The following CSRNP2 variants were observed in gnomAD, a reference collection of about 807,000 sequenced individuals.
The protein encoded by CSRNP2 is cysteine/serine-rich nuclear protein 2.
In CSRNP2, 11 loss-of-function variants were observed where a neutral mutation model predicts 36.6. The ratio of observed to expected loss-of-function variants is 0.30; its 90% CI spans 0.19 to 0.50. The LOEUF (loss-of-function observed/expected upper bound fraction) is 0.50. Among genes scored for constraint, CSRNP2 ranks in the 20% least tolerant of loss-of-function variants. CSRNP2 has a pLI of 0.98. For missense variants in CSRNP2, 483 were observed against 691.4 expected, an observed-to-expected ratio of 0.70 and a Z score of 3.38; for synonymous variants, 248 against 275.3, an observed-to-expected ratio of 0.90 and a Z score of 0.98.
At chr12:51,074,789 G>A (rs777980081) in intron 2 of CSRNP2, among the ~76,000 whole-genome samples, 6 of 152,058 alleles carry the variant, frequency 3.9e-5, no homozygotes, top group South Asian at 2.1e-4. Context: ...AGCTCAGGCC[G>A]GGCATGGTGG....
intron 1 of CSRNP2, among the ~76,000 whole-genome samples, chr12:51,080,913 G>C (rs1402338367): frequency 2.6e-5 from 4 of 152,158 alleles, no homozygotes; most frequent in African/African-American, 9.7e-5. Flanking sequence ...ATCCTTCTTT[G>C]GGAGGCTGAG....
At position 51,067,957 on chromosome 12, in the gene CSRNP2, C is replaced by T. The variant is rs1938560641; in HGVS notation, c.424G>A (p.Gly142Arg). 1 of 1,613,320 alleles carries T rather than the reference C, an allele frequency of 6.2e-7. No homozygotes were observed. The highest frequency in any genetic ancestry group is 1.1e-5 in the South Asian group (1 of 91,064). ...TCAGCCTCCACCGACTCCACTGTCC[C>T]ATTCTTGGTCAGCTGCCAAGAGACA... ...HAKKMKLTKN[G>R]TVESVEADGL... Residue 142 changes from glycine (G) to arginine (R), a missense_variant, in exon 4 of 5, where the codon GGG becomes AGG. Physicochemically the swap from Gly to Arg is moderately radical, Grantham distance 125. Around this residue, in one of 2 missense-constraint regions of CSRNP2, gnomAD observed 206 missense variants for 367.8 expected, o/e 0.56. Transcript: ENST00000228515. The surrounding 1 kb of genome is among the most constrained non-coding windows in gnomAD (Gnocchi z 4.1).
At chr12:51,077,044 CA>C (rs34490094) in intron 1 of CSRNP2, among the ~76,000 whole-genome samples, 18 of 126,698 alleles carry the variant, frequency 1.4e-4, no homozygotes, top group Admixed American at 2.5e-4. Flanking sequence ...GTTTGGTTGG[CA>C]AAAAAAAAAA....
At chr12:51,071,033 G>A (rs1480687996) in intron 3 of CSRNP2, among the ~76,000 whole-genome samples, 5 of 152,140 alleles carry the variant, frequency 3.3e-5, no homozygotes, top group South Asian at 4.2e-4. Context: ...AGGCCGAGGC[G>A]GGTGGATCAC....
At chr12:51,069,057 G>C (rs1412185348) in intron 3 of CSRNP2, among the ~76,000 whole-genome samples, 1 of 152,056 alleles carries the variant, frequency 6.6e-6, no homozygotes, top group African/African-American at 2.4e-5. Flanking sequence ...CTCGCTGCAA[G>C]CTCCACCTCC....
chr12:51,063,720 G>C lies in CSRNP2; in HGVS notation c.*26C>G. The C allele has an allele frequency of 1.3e-6, 2 of 1,488,268 alleles. No homozygotes were observed. The highest frequency in any genetic ancestry group is 1.8e-6 in the Non-Finnish European group (2 of 1,112,956). 92.2% of individuals were successfully genotyped at this position (1,488,268 alleles called of 1,614,324 possible). A position where few individuals can be genotyped will look rare whatever the true frequency, so the allele number is the denominator to read the frequency against. On this transcript the variant is annotated 3_prime_UTR_variant, in exon 5 of 5. Transcript: ENST00000228515. ...AAATAAGGGAATAAATAGAGAATGGGTAAGAGGCAGGACCTCTAGCGCCTG... is the reference window on the plus strand; with the variant it reads ...AAATAAGGGAATAAATAGAGAATGGCTAAGAGGCAGGACCTCTAGCGCCTG...
In CSRNP2 at chr12:51,076,441, G is replaced by C; in HGVS notation, c.121C>G (p.Leu41Val). ...SSDSADSCDS[L>V]NPPTTASFTP... is the part of the protein sequence containing the mutation. ...AAGCTGGCAGTGGTAGGAGGATTGA[G>C]GCTGTCGCAGCTGTCAGCACTATCA... The change falls in exon 2 of 5, where the codon CTC (leucine) becomes GTC (valine). Residue 41 changes from leucine to valine, a missense_variant. Coordinates refer to ENST00000228515, the MANE Select transcript of CSRNP2 (RefSeq NM_030809.3). 1 of 1,614,118 alleles carries C rather than the reference G, an allele frequency of 6.2e-7. No homozygotes were observed. Among genetic ancestry groups the C allele is most frequent in the Non-Finnish European group, 8.5e-7 (1 of 1,180,036 alleles).
In CSRNP2 at chr12:51,062,298, TAATA is replaced by T. The variant is rs1489992770; in HGVS notation, c.*1444_*1447del. 2 of 152,166 alleles carry T rather than the reference TAATA, an allele frequency of 1.3e-5. No homozygotes were observed. The highest frequency in any genetic ancestry group is 4.8e-5 in the African/African-American group (2 of 41,454). The allele number at this position is 152,166 out of a possible 1,614,324, so 9.4% of individuals were successfully genotyped here. ...TTTCACTTTTGTGTGTGTGTGTGGTTAATAAACCATACCAGAAGTAAAGTATGGT... is the reference window on the plus strand; with the variant it reads ...TTTCACTTTTGTGTGTGTGTGTGGTTAACCATACCAGAAGTAAAGTATGGT... On this transcript the variant is annotated 3_prime_UTR_variant, in exon 5 of 5. Coordinates refer to ENST00000228515, the MANE Select transcript of CSRNP2 (RefSeq NM_030809.3).
At chr12:51,076,043 C>T (rs1226459617) in intron 2 of CSRNP2, among the ~76,000 whole-genome samples, 2 of 151,446 alleles carry the variant, frequency 1.3e-5, no homozygotes, top group South Asian at 2.1e-4. Context: ...AAGAGCAAAA[C>T]GAGAAAAAAA....
At chr12:51,068,050 C>A in intron 3 of CSRNP2, 81 bp from the exon 4 acceptor site, 1 of 1,323,014 alleles carries the variant, frequency 7.6e-7, no homozygotes, top group South Asian at 1.3e-5. Context: ...GCAGCACTGT[C>A]CCTTGAACCT....
Position 51,064,056 on chromosome 12 carries a change from G to T in CSRNP2, c.1322C>A (p.Ala441Asp). The T allele has an allele frequency of 6.2e-7, 1 of 1,614,220 alleles. No homozygotes were observed. Among genetic ancestry groups the T allele is most frequent in the Non-Finnish European group, 8.5e-7 (1 of 1,180,034 alleles). Residue 441 changes from alanine to aspartate, a missense_variant, in exon 5 of 5, where the codon GCC (alanine) becomes GAC (aspartate). Around this residue, in one of 2 missense-constraint regions of CSRNP2, gnomAD observed 277 missense variants for 323.6 expected, o/e 0.86. Coordinates refer to ENST00000228515, the MANE Select transcript of CSRNP2 (RefSeq NM_030809.3). ...CAGATCCTTCTCCTTTGGGAAAGAG[G>T]CTGAGCCTTCTTCCGTACCAGGCTC... is the stretch of plus-strand genomic sequence containing the variant. Reference protein sequence around the residue: ...KGEPGTEEGSASFPKEKDLNV... With the variant: ...KGEPGTEEGSDSFPKEKDLNV...
intron 3 of CSRNP2, among the ~76,000 whole-genome samples, chr12:51,069,333 GATGGA>G (rs1343441738): frequency 3.4e-5 from 5 of 145,548 alleles, no homozygotes; most frequent in South Asian, 2.2e-4. Flanking sequence ...TGTCGCTCAG[GATGGA>G]ATGCAGTGCA....
rs1937846097 is a variant in CSRNP2, at chr12:51,064,037, C to T, written c.1341G>A (p.Lys447=). The T allele has an allele frequency of 2.4e-5, 38 of 1,614,244 alleles. No individual in the cohort carries two copies. The highest frequency in any genetic ancestry group is 3.2e-5 in the Non-Finnish European group (38 of 1,180,036). ...EEGSASFPKE[K]DLNVFSLPVT... ...CAGGGAGAGAGAAGACATTCAGATC[C>T]TTCTCCTTTGGGAAAGAGGCTGAGC... The change falls in exon 5 of 5, where the codon AAG becomes AAA. Residue 447 remains lysine (K), a synonymous_variant. Transcript: ENST00000228515.
chr12:51,069,980 G>A lies in CSRNP2; in HGVS notation c.412-2011C>T, dbSNP rs1048350234. Among the ~76,000 whole-genome samples, 8 of 151,942 alleles carry A rather than the reference G, an allele frequency of 5.3e-5. No individual in the cohort carries two copies. In the East Asian group the frequency reaches 1.2e-3, roughly 22 times the overall value. On this transcript the variant is annotated intron_variant, in intron 3 of 4. Coordinates refer to ENST00000228515, the MANE Select transcript of CSRNP2 (RefSeq NM_030809.3). ...CTCCCAAAGTGCTGGGATTACAGGC[G>A]TGAGCCACCGAGAAATCTGGGTTTT...
At position 51,063,628 on chromosome 12, in the gene CSRNP2, G is replaced by T; in HGVS notation, c.*118C>A. ...AATCCTTTCCCACCCATTCCCCAAA[G>T]ACCCCAATAAAATAACATGGGAGCA... On this transcript the variant is annotated 3_prime_UTR_variant, in exon 5 of 5. Coordinates refer to ENST00000228515, the MANE Select transcript of CSRNP2 (RefSeq NM_030809.3). 1 of 796,042 alleles carries T rather than the reference G, an allele frequency of 1.3e-6. No homozygotes were observed. Among genetic ancestry groups the T allele is most frequent in the Non-Finnish European group, 1.9e-6 (1 of 525,420 alleles). The allele number at this position is 796,042 out of a possible 1,614,324, so 49.3% of individuals were successfully genotyped here.
At chr12:51,074,528 G>A (rs6580784) in intron 2 of CSRNP2, among the ~76,000 whole-genome samples, 26,285 of 152,090 alleles carry the variant, frequency 0.17, 2,371 homozygotes, top group South Asian at 0.26. Context: ...CTAGAGAACT[G>A]TCTAATATCT....
chr12:51,076,373 G>A, intron 2 of CSRNP2, 38 bp downstream of exon 2: 5 of 1,604,806 alleles, frequency 3.1e-6, no homozygotes, highest in Non-Finnish European at 4.3e-6. Flanking sequence ...GCTGCTTGGG[G>A]AATGTGGGTA....
intron 1 of CSRNP2, among the ~76,000 whole-genome samples, chr12:51,078,657 C>G (rs746337115): frequency 1.6e-4 from 25 of 152,186 alleles, no homozygotes; most frequent in Non-Finnish European, 3.1e-4. Context: ...ATACGCAAAT[C>G]AAAACCACAA....
intron 3 of CSRNP2, among the ~76,000 whole-genome samples, chr12:51,070,610 T>A (rs1326072144): frequency 6.6e-6 from 1 of 152,206 alleles, no homozygotes; most frequent in Non-Finnish European, 1.5e-5. Flanking sequence ...AAGTGGATAT[T>A]TTCTGGGGGA....
Sources: allele counts gnomAD v4.1 joint callset (sites outside exome capture counted in the v4.1 genomes callset), GRCh38; gene constraint gnomAD v4.1.1; regional missense constraint gnomAD v4.1.1; non-coding constraint Gnocchi (gnomAD v3.1); transcripts MANE v1.5; gene names NCBI Gene and HGNC (gene_info 2026-07-23, HGNC 2026-07-21).